The following VEGFC variants were observed in gnomAD, a reference collection of about 807,000 sequenced individuals.
VEGFC encodes FLT4 ligand DHM.
In VEGFC, 12 loss-of-function variants were observed where a neutral mutation model predicts 46.1. The observed-to-expected ratio is 0.26, with a 90% confidence interval of 0.17 to 0.42. The LOEUF (loss-of-function observed/expected upper bound fraction) is 0.42. VEGFC is among the 10% of genes least tolerant of loss of function. The pLI, the probability that VEGFC is intolerant of heterozygous loss-of-function variation, is 1.00. For synonymous variants in VEGFC, 232 were observed against 195.5 expected, an observed-to-expected ratio of 1.19 and a Z score of -1.56; for missense variants, 488 against 529.4, an observed-to-expected ratio of 0.92 and a Z score of 0.77.
In VEGFC at chr4:176,683,904, T is replaced by C; in HGVS notation, c.*22A>G. Reference sequence around the variant, plus strand: ...ACAGTTTTCCATAATAGAAAATCGATGAACTGGAAAACAGTACAATCTTAG... The same window carrying C: ...ACAGTTTTCCATAATAGAAAATCGACGAACTGGAAAACAGTACAATCTTAG... On this transcript the variant is annotated 3_prime_UTR_variant, in exon 7 of 7. Transcript: ENST00000618562. 3 of 1,589,250 alleles carry C rather than the reference T, an allele frequency of 1.9e-6. No individual in the cohort carries two copies. The highest frequency in any genetic ancestry group is 1.3e-5 in the African/African-American group (1 of 74,544).
chr4:176,743,027 G>A (rs1329416607), intron 1 of VEGFC, among the ~76,000 whole-genome samples: 1 of 152,008 alleles, frequency 6.6e-6, no homozygotes, highest in Non-Finnish European at 1.5e-5. Flanking sequence ...TGCATCAAAG[G>A]AACCGGAAGA....
At chr4:176,718,227 A>G (rs1319177345) in intron 3 of VEGFC, among the ~76,000 whole-genome samples, 4 of 152,034 alleles carry the variant, frequency 2.6e-5, no homozygotes, top group African/African-American at 9.7e-5. Context: ...ATTTCCAAAA[A>G]CTGTGCTTGC....
At chr4:176,714,999 C>T (rs1338305776) in intron 3 of VEGFC, among the ~76,000 whole-genome samples, 1 of 152,100 alleles carries the variant, frequency 6.6e-6, no homozygotes, top group Non-Finnish European at 1.5e-5. Flanking sequence ...AGCACTAAAA[C>T]CAAATCACTG....
chr4:176,709,378 C>T (rs1380525674), intron 4 of VEGFC, among the ~76,000 whole-genome samples: 1 of 152,150 alleles, frequency 6.6e-6, no homozygotes, highest in African/African-American at 2.4e-5. Context: ...TATAAACTTA[C>T]TGGAAACACT....
intron 1 of VEGFC, among the ~76,000 whole-genome samples, chr4:176,778,823 A>G (rs1270943414): frequency 2.6e-5 from 4 of 152,176 alleles, no homozygotes; most frequent in African/African-American, 9.7e-5. Context: ...TTTTCTAAGA[A>G]TATTTCTTTC....
intron 4 of VEGFC, among the ~76,000 whole-genome samples, chr4:176,704,251 T>C (rs1310864558): frequency 2.0e-5 from 3 of 152,172 alleles, no homozygotes; most frequent in African/African-American, 4.8e-5. Flanking sequence ...TTCTTAAATA[T>C]TGATTTCCCC....
chr4:176,738,566 G>A (rs922335123), intron 1 of VEGFC, among the ~76,000 whole-genome samples: 2 of 152,122 alleles, frequency 1.3e-5, no homozygotes, highest in African/African-American at 4.8e-5. Context: ...ATGGATTAAA[G>A]ATTTAAATGT....
At chr4:176,775,310 A>G (rs116007739) in intron 1 of VEGFC, among the ~76,000 whole-genome samples, 1 of 152,354 alleles carries the variant, frequency 6.6e-6, no homozygotes, top group Non-Finnish European at 1.5e-5. Context: ...CTATTAGAAT[A>G]AATAATTTAA....
intron 4 of VEGFC, among the ~76,000 whole-genome samples, chr4:176,706,329 T>A (rs1734534114): frequency 6.6e-6 from 1 of 152,018 alleles, no homozygotes; most frequent in South Asian, 2.1e-4. Flanking sequence ...GTAAAGGTTT[T>A]AAAAAATCTA....
chr4:176,712,288 T>C (rs1457678874), intron 3 of VEGFC, among the ~76,000 whole-genome samples: 4 of 152,324 alleles, frequency 2.6e-5, no homozygotes, highest in East Asian at 3.9e-4. Context: ...AAAGGAATTA[T>C]GAAAATAATG....
chr4:176,729,672 G>A lies in VEGFC; in HGVS notation c.222C>T (p.Tyr74=), dbSNP rs1734929219. 1.2e-6 allele frequency: 2 copies of A among 1,613,472 alleles called. No homozygotes were observed. The highest frequency in any genetic ancestry group is 2.2e-5 in the East Asian group (1 of 44,830). Residue 74 remains tyrosine (Y), a synonymous_variant, in exon 2 of 7, where the codon TAC becomes TAT. Coordinates refer to ENST00000618562, the MANE Select transcript of VEGFC (RefSeq NM_005429.5). The part of the protein sequence containing the change: ...SSVDELMTVL[Y]PEYWKMYKCQ... ...ACTTGTACATTTTCCAATATTCTGG[G>A]TAGAGTACAGTCATGAGTTCATCTA...
intron 1 of VEGFC, among the ~76,000 whole-genome samples, chr4:176,748,677 T>C (rs1579121040): frequency 6.6e-6 from 1 of 152,140 alleles, no homozygotes; most frequent in East Asian, 1.9e-4. Context: ...CCCCTATTTC[T>C]GATAGTAATC....
At chr4:176,737,286 T>TATAAATATAGAATGTTTATAATATATAA (rs3063169) in intron 1 of VEGFC, among the ~76,000 whole-genome samples, 1 of 146,074 alleles carries the variant, frequency 6.8e-6, no homozygotes, top group Non-Finnish European at 1.5e-5. Context: ...GTTTATAATA[T>TATAAATATAGAATGTTTATAATATATAA]ATATAGAATA....
intron 5 of VEGFC, 86 bp from the exon 6 acceptor site, chr4:176,687,606 T>G: frequency 7.5e-7 from 1 of 1,325,742 alleles, no homozygotes. Context: ...GCATCTTCCT[T>G]TTGTATGTTT....
intron 4 of VEGFC, among the ~76,000 whole-genome samples, chr4:176,700,262 T>C (rs1227835827): frequency 2.0e-5 from 3 of 151,944 alleles, no homozygotes; most frequent in Admixed American, 6.6e-5. Flanking sequence ...ACTAAAAATA[T>C]ACAAATTAGC....
At chr4:176,737,636 T>C (rs1369335304) in intron 1 of VEGFC, among the ~76,000 whole-genome samples, 1 of 151,570 alleles carries the variant, frequency 6.6e-6, no homozygotes. Flanking sequence ...AAAATAGTTA[T>C]ATATTAACTA....
chr4:176,767,780 C>T (rs539483849), intron 1 of VEGFC, among the ~76,000 whole-genome samples: 21 of 152,196 alleles, frequency 1.4e-4, no homozygotes, highest in Non-Finnish European at 1.2e-4. Flanking sequence ...TATAATGTGA[C>T]TTACATCCTA....
intron 3 of VEGFC, among the ~76,000 whole-genome samples, chr4:176,718,757 A>T (rs1734734942): frequency 6.6e-6 from 1 of 152,096 alleles, no homozygotes; most frequent in Non-Finnish European, 1.5e-5. Context: ...GTTTTTCTTT[A>T]TTCTTTCCTA....
At chr4:176,693,212 G>T (rs1295767681) in intron 4 of VEGFC, among the ~76,000 whole-genome samples, 1 of 149,384 alleles carries the variant, frequency 6.7e-6, no homozygotes, top group Non-Finnish European at 1.5e-5. Context: ...CAAAGGCAAA[G>T]AAGTTGAAAA....
Sources: allele counts gnomAD v4.1 joint callset (sites outside exome capture counted in the v4.1 genomes callset), GRCh38; gene constraint gnomAD v4.1.1; transcripts MANE v1.5; gene names NCBI Gene and HGNC (gene_info 2026-07-23, HGNC 2026-07-21).